The following SYNPO2L variants were observed in gnomAD, a reference collection of about 807,000 sequenced individuals.
SYNPO2L encodes the protein synaptopodin 2 like.
SYNPO2L carries 34 observed loss-of-function variants against 47.5 expected under a neutral mutation model. The observed-to-expected ratio is 0.72, with a 90% confidence interval of 0.54 to 0.95. The LOEUF (loss-of-function observed/expected upper bound fraction) is 0.95. SYNPO2L is among the 40% of genes least tolerant of loss of function. The pLI is 0.00. For synonymous variants in SYNPO2L, 536 were observed against 524.9 expected, an observed-to-expected ratio of 1.02 and a Z score of -0.29; for missense variants, 1,246 against 1,282.0, an observed-to-expected ratio of 0.97 and a Z score of 0.43.
In SYNPO2L at chr10:73,653,510, C is replaced by T; in HGVS notation, c.401G>A (p.Ser134Asn). The T allele has an allele frequency of 1.5e-5, 24 of 1,551,850 alleles. No homozygotes were observed. Among genetic ancestry groups the T allele is most frequent in the Non-Finnish European group, 2.1e-5 (24 of 1,147,022 alleles). ...GTCAGTCTCTCCGTAGTAAGCCTCA[C>T]TATCAGGAGGTGAACGAAGGCTCCC... ...QPGSLRSPPDSEAYYGETDSD... is the reference protein window; with the variant it reads ...QPGSLRSPPDNEAYYGETDSD... Residue 134 changes from serine to asparagine, a missense_variant, in exon 3 of 4, where the codon AGT becomes AAT. Around this residue, in one of 3 missense-constraint regions of SYNPO2L, gnomAD observed 148 missense variants for 204.8 expected, o/e 0.72. Coordinates refer to ENST00000394810, the MANE Select transcript of SYNPO2L (RefSeq NM_001114133.3).
At position 73,650,454 on chromosome 10, in the gene SYNPO2L, T is replaced by A. The variant is rs533028520; in HGVS notation, c.773-1575A>T. 3.3e-5 allele frequency among the ~76,000 whole-genome samples: 5 copies of A among 152,302 alleles called. No individual in the cohort carries two copies. The South Asian group carries it at 6.2e-4, about 19-fold the overall frequency. On this transcript the variant is annotated intron_variant, in intron 3 of 3. Transcript: ENST00000394810. ...AAAGTTCGGTTTCCTCATCTGTAAATGAGGGTAGACAATGGCTACCTCATA... is the reference window on the plus strand; with the variant it reads ...AAAGTTCGGTTTCCTCATCTGTAAAAGAGGGTAGACAATGGCTACCTCATA...
Position 73,645,309 on chromosome 10 carries a change from C to T in SYNPO2L, c.*1409G>A, listed in dbSNP as rs532214042. On this transcript the variant is annotated 3_prime_UTR_variant, in exon 4 of 4. Transcript: ENST00000394810. Reference sequence around the variant, plus strand: ...TTTTTTCCAATCCCCCTCTCACACACGGTTGGTTTCTTGTTACTCAACTTT... The same window carrying T: ...TTTTTTCCAATCCCCCTCTCACACATGGTTGGTTTCTTGTTACTCAACTTT... 18 of 1,080,964 alleles carry T rather than the reference C, an allele frequency of 1.7e-5. No individual in the cohort carries two copies. The highest frequency in any genetic ancestry group is 6.0e-5 in the Admixed American group (1 of 16,654). The allele number at this position is 1,080,964 out of a possible 1,614,324, so 67.0% of individuals were successfully genotyped here.
chr10:73,653,064 G>A, intron 3 of SYNPO2L, 75 bp downstream of exon 3: 1 of 1,418,594 alleles, frequency 7.0e-7, no homozygotes. Flanking sequence ...TAGGGAGAAT[G>A]TACGGCTATA....
chr10:73,648,129 G>T lies in SYNPO2L; in HGVS notation c.1523C>A (p.Pro508His), dbSNP rs57006992. The T allele has an allele frequency of 0.019, 28,987 of 1,539,528 alleles. 2,464 individuals carry two copies. In the African/African-American group the frequency reaches 0.25, roughly 13 times the overall value. ...SLGGLSPAPP[P>H]FLSSQGPTPL... ...GGTGGGCCCCTGCGAAGACAAGAAG[G>T]GGGGTGGGGCGGGGCTGAGGCCCCC... Residue 508 changes from proline (P) to histidine (H), a missense_variant, in exon 4 of 4, where the codon CCC (proline) becomes CAC (histidine). Pro to His is a moderately conservative substitution (Grantham distance 77, BLOSUM62 -2). Around this residue, in one of 3 missense-constraint regions of SYNPO2L, gnomAD observed 1,037 missense variants for 1,021.5 expected, o/e 1.02. Transcript: ENST00000394810.
In SYNPO2L at chr10:73,648,792, G is replaced by A; in HGVS notation, c.860C>T (p.Ala287Val). The A allele has an allele frequency of 1.9e-6, 3 of 1,601,412 alleles. No homozygotes were observed. Among genetic ancestry groups the A allele is most frequent in the South Asian group, 1.1e-5 (1 of 89,298 alleles). ...CRTIASLLTA[A>V]PNPHSKGVLM... ...TACCCCTTTGGAGTGGGGGTTGGGG[G>A]CTGCAGTGAGCAGGGATGCAATTGT... The change falls in exon 4 of 4, where the codon GCC becomes GTC. Residue 287 changes from alanine (A) to valine (V), a missense_variant. By Grantham distance (64) the Ala-to-Val change is moderately conservative. Coordinates refer to ENST00000394810, the MANE Select transcript of SYNPO2L (RefSeq NM_001114133.3).
intron 3 of SYNPO2L, among the ~76,000 whole-genome samples, chr10:73,652,066 CAAAAAAAAAA>C (rs1178972762): frequency 2.9e-4 from 14 of 47,802 alleles, no homozygotes; most frequent in East Asian, 1.5e-3. Flanking sequence ...GACTCTATCT[CAAAAAAAAAA>C]AAAAAAAAAA....
In SYNPO2L at chr10:73,646,214, A is replaced by T. The variant is rs894670710; in HGVS notation, c.*504T>A. On this transcript the variant is annotated 3_prime_UTR_variant, in exon 4 of 4. Transcript: ENST00000394810. ...CACACACACACACACACACACACAC[A>T]CACAGGCCTAGGTATATGCCAGTCA... 48 of 988,536 alleles carry T rather than the reference A, an allele frequency of 4.9e-5. No individual in the cohort carries two copies. The African/African-American group carries it at 8.2e-4, about 17-fold the overall frequency. The allele number at this position is 988,536 out of a possible 1,614,324, so 61.2% of individuals were successfully genotyped here.
chr10:73,648,179 G>A lies in SYNPO2L; in HGVS notation c.1473C>T (p.Ala491=). Residue 491 remains alanine (A), a synonymous_variant, in exon 4 of 4, where the codon GCC becomes GCT. Coordinates refer to ENST00000394810, the MANE Select transcript of SYNPO2L (RefSeq NM_001114133.3). ...CCAGGCTGTCGTTCGCCCTTTTGGG[G>A]GCTAAAGGCCGGAAAATAACCGAGG... ...TTTSVIFRPL[A]PKRANDSLGG... 6.4e-7 allele frequency: 1 copy of A among 1,564,212 alleles called. No individual in the cohort carries two copies. The highest frequency in any genetic ancestry group is 8.6e-7 in the Non-Finnish European group (1 of 1,157,198).
At chr10:73,651,004 C>T in intron 3 of SYNPO2L, 1 of 1,612,600 alleles carries the variant, frequency 6.2e-7, no homozygotes, top group Non-Finnish European at 8.5e-7. Flanking sequence ...TCAAAGGTCT[C>T]CATGCTGAGA....
chr10:73,651,847 G>A (rs1039857374), intron 3 of SYNPO2L, among the ~76,000 whole-genome samples: 3 of 151,560 alleles, frequency 2.0e-5, no homozygotes, highest in Admixed American at 2.0e-4. Flanking sequence ...AGGCCGAGGC[G>A]GGTGGATCAC....
In SYNPO2L at chr10:73,655,857, A is replaced by G. The variant is rs1286839361; in HGVS notation, c.66T>C (p.His22=). 15 of 1,550,658 alleles carry G rather than the reference A, an allele frequency of 9.7e-6. No individual in the cohort carries two copies. Among genetic ancestry groups the G allele is most frequent in the East Asian group, 4.9e-5 (2 of 40,860 alleles). ...ACGGTTTCCTCTGCTCGGCCCCCCC[A>G]TGAAGTCGGAAGCCCCAGGGGGCTC... ...SGGAPWGFRL[H]GGAEQRKPLQ... is the part of the protein sequence containing the mutation. Residue 22 remains histidine, a synonymous_variant, in exon 1 of 4, where the codon CAT becomes CAC. Coordinates refer to ENST00000394810, the MANE Select transcript of SYNPO2L (RefSeq NM_001114133.3).
chr10:73,646,266 G>A lies in SYNPO2L; in HGVS notation c.*452C>T. The A allele has an allele frequency of 1.0e-6, 1 of 992,940 alleles. No homozygotes were observed. Among genetic ancestry groups the A allele is most frequent in the Non-Finnish European group, 1.2e-6 (1 of 835,698 alleles). 61.5% of individuals were successfully genotyped at this position (992,940 alleles called of 1,614,324 possible). ...GCTTGGGAAAGCAGAGTGGGGGGTG[G>A]GGGTGGCTTAGTGCAAACAGGGGTC... On this transcript the variant is annotated 3_prime_UTR_variant, in exon 4 of 4. Coordinates refer to ENST00000394810, the MANE Select transcript of SYNPO2L (RefSeq NM_001114133.3).
At chr10:73,651,010 T>C in intron 3 of SYNPO2L, 2 of 1,612,268 alleles carry the variant, frequency 1.2e-6, no homozygotes, top group Non-Finnish European at 8.5e-7. Flanking sequence ...GTCTCCATGC[T>C]GAGAAAGGCG....
In SYNPO2L at chr10:73,650,961, C is replaced by T. The variant is rs985542413; in HGVS notation, c.773-2082G>A. 3.7e-6 allele frequency: 6 copies of T among 1,613,764 alleles called. No homozygotes were observed. In the East Asian group the frequency reaches 6.7e-5, roughly 18 times the overall value. On this transcript the variant is annotated intron_variant, in intron 3 of 3. Coordinates refer to ENST00000394810, the MANE Select transcript of SYNPO2L (RefSeq NM_001114133.3). ...AACTGGGTCTGGGGCTTTGTCATAG[C>T]TGGCTTGGCTGAGGGGCTCTTGGCT...
At position 73,647,670 on chromosome 10, in the gene SYNPO2L, T is replaced by C; in HGVS notation, c.1982A>G (p.Glu661Gly). Residue 661 changes from glutamate to glycine, a missense_variant, in exon 4 of 4, where the codon GAA (glutamate) becomes GGA (glycine). Transcript: ENST00000394810. ...ELLSLVQNLDEKPRAGGAESG... is the reference protein window; with the variant it reads ...ELLSLVQNLDGKPRAGGAESG... ...TTCTGCACCCCCGGCCCGAGGCTTT[T>C]CATCCAGGTTCTGTACCAGCGATAG... 1 of 1,614,142 alleles carries C rather than the reference T, an allele frequency of 6.2e-7. No individual in the cohort carries two copies. The highest frequency in any genetic ancestry group is 2.2e-5 in the East Asian group (1 of 44,880).
At position 73,656,018 on chromosome 10, in the gene SYNPO2L, C is replaced by A; in HGVS notation, c.-96G>T. ...CCGTCTGGGCTTCCTGTCCGGCTGT[C>A]CTGCTCCTGCTGCCCCAGGCCTCCC... On this transcript the variant is annotated 5_prime_UTR_variant, in exon 1 of 4. Coordinates refer to ENST00000394810, the MANE Select transcript of SYNPO2L (RefSeq NM_001114133.3). 1 of 1,031,614 alleles carries A rather than the reference C, an allele frequency of 9.7e-7. No homozygotes were observed. Among genetic ancestry groups the A allele is most frequent in the Non-Finnish European group, 1.4e-6 (1 of 717,106 alleles). 63.9% of individuals were successfully genotyped at this position (1,031,614 alleles called of 1,614,324 possible).
chr10:73,650,356 G>T, intron 3 of SYNPO2L: 1 of 694,120 alleles, frequency 1.4e-6, no homozygotes, highest in Non-Finnish European at 1.8e-6. Context: ...TAGTGGTATG[G>T]ATGAGACAAC....
rs778426046 is a variant in SYNPO2L at position 73,647,524 on chromosome 10, C to T, written c.2128G>A (p.Ala710Thr). ...GTCATAGGGGGCGGGGTCTTGGGAGCCATTGGAGGGGGGGTCTTAGGTGTC... is the reference window on the plus strand; with the variant it reads ...GTCATAGGGGGCGGGGTCTTGGGAGTCATTGGAGGGGGGGTCTTAGGTGTC... ...HVTPKTPPPM[A>T]PKTPPPMTPK... The change falls in exon 4 of 4, where the codon GCT becomes ACT. Residue 710 changes from alanine to threonine, a missense_variant. By Grantham distance (58) the Ala-to-Thr change is moderately conservative. Transcript: ENST00000394810. 5 of 1,588,706 alleles carry T rather than the reference C, an allele frequency of 3.1e-6. No individual in the cohort carries two copies. The South Asian group carries it at 5.7e-5, about 18-fold the overall frequency.
Position 73,646,307 on chromosome 10 carries a change from C to T in SYNPO2L, c.*411G>A. The T allele has an allele frequency of 1.0e-6, 1 of 996,670 alleles. No individual in the cohort carries two copies. The highest frequency in any genetic ancestry group is 1.2e-6 in the Non-Finnish European group (1 of 838,144). The allele number at this position is 996,670 out of a possible 1,614,324, so 61.7% of individuals were successfully genotyped here. ...AACAGGGGTCAGTTCAGTCCCTTTG[C>T]TGTGTGCCTGGTGGTGAGCTTCTTG... is the stretch of plus-strand genomic sequence containing the variant. On this transcript the variant is annotated 3_prime_UTR_variant, in exon 4 of 4. Transcript: ENST00000394810.
Sources: gnomAD v4.1 joint callset for allele counts (sites outside exome capture counted in the v4.1 genomes callset) on GRCh38, gnomAD v4.1.1 for gene constraint, gnomAD v4.1.1 regional missense constraint, MANE v1.5 for transcripts, NCBI Gene and HGNC (gene_info 2026-07-23, HGNC 2026-07-21) for gene names.